The following SUPT3H variants were observed in gnomAD, a reference collection of about 807,000 sequenced individuals.
The protein encoded by SUPT3H is transcription initiation protein SPT3 homolog.
SUPT3H carries 44 observed loss-of-function variants against 44.3 expected under a neutral mutation model. The ratio of observed to expected loss-of-function variants is 0.99; its 90% confidence interval spans 0.78 to 1.28. The LOEUF (loss-of-function observed/expected upper bound fraction) is 1.28. SUPT3H is among the 50% of genes most tolerant of loss of function. SUPT3H has a pLI of 0.00. For missense variants in SUPT3H, 380 were observed against 387.1 expected, an observed-to-expected ratio of 0.98 and a Z score of 0.15; for synonymous variants, 124 against 125.6, an observed-to-expected ratio of 0.99 and a Z score of 0.09.
chr6:45,299,045 T>G (rs1781722674), intron 2 of SUPT3H, among the ~76,000 whole-genome samples: 1 of 152,144 alleles, frequency 6.6e-6, no homozygotes, highest in South Asian at 2.1e-4. Context: ...ATTAAAATGT[T>G]TTGTAGAATT....
intron 3 of SUPT3H, among the ~76,000 whole-genome samples, chr6:45,053,073 T>C (rs578047598): frequency 6.6e-6 from 1 of 152,234 alleles, no homozygotes; most frequent in South Asian, 2.1e-4. Flanking sequence ...CTTACTCTGA[T>C]GCCCAGGCTA....
intron 2 of SUPT3H, among the ~76,000 whole-genome samples, chr6:45,127,105 G>A (rs1194889033): frequency 6.6e-6 from 1 of 152,160 alleles, no homozygotes; most frequent in African/African-American, 2.4e-5. Context: ...CATGAGGTCA[G>A]GAGTTCGAGA....
intron 2 of SUPT3H, among the ~76,000 whole-genome samples, chr6:45,353,147 T>C (rs1792421413): frequency 6.6e-6 from 1 of 152,124 alleles, no homozygotes; most frequent in South Asian, 2.1e-4. Context: ...TGTAAAATGA[T>C]TTCATTAATC....
chr6:45,319,203 T>TTTATAATTAAATAGGTGTC (rs1178797573), intron 2 of SUPT3H, among the ~76,000 whole-genome samples: 2 of 152,126 alleles, frequency 1.3e-5, no homozygotes, highest in Non-Finnish European at 2.9e-5. Flanking sequence ...ATTTATGTGT[T>TTTATAATTAAATAGGTGTC]TTATAATTAA....
At chr6:44,850,669 T>A (rs1772711546) in intron 10 of SUPT3H, among the ~76,000 whole-genome samples, 1 of 152,168 alleles carries the variant, frequency 6.6e-6, no homozygotes, top group Admixed American at 6.5e-5. Flanking sequence ...TACTGAACTT[T>A]CTTTTTTCAA....
intron 2 of SUPT3H, among the ~76,000 whole-genome samples, chr6:45,222,994 A>G (rs1007432948): frequency 2.0e-5 from 3 of 152,166 alleles, no homozygotes; most frequent in Non-Finnish European, 4.4e-5. Flanking sequence ...TGTCAAAACA[A>G]TAGAAAGAAA....
chr6:45,089,287 A>C (rs987322684), intron 3 of SUPT3H, among the ~76,000 whole-genome samples: 2 of 152,020 alleles, frequency 1.3e-5, no homozygotes, highest in Non-Finnish European at 2.9e-5. Flanking sequence ...ATTAAATTTC[A>C]ATCTATATGT....
chr6:45,328,188 A>G lies in SUPT3H; in HGVS notation c.101+37013T>C, dbSNP rs373586465. 1.1e-4 allele frequency: 108 copies of G among 991,846 alleles called. No homozygotes were observed. The African/African-American group carries it at 1.5e-3, about 14-fold the overall frequency. 61.4% of individuals were successfully genotyped at this position (991,846 alleles called of 1,614,324 possible). ...GAGAGAGAGAGAAAGAGCAAGGGGG[A>G]AAAGCCACAGTGGTAGGCAGTCCCA... On this transcript the variant is annotated intron_variant, in intron 2 of 10. Coordinates refer to ENST00000371459, the MANE Select transcript of SUPT3H (RefSeq NM_003599.4).
At chr6:45,136,573 T>A (rs1485058297) in intron 2 of SUPT3H, among the ~76,000 whole-genome samples, 1 of 149,826 alleles carries the variant, frequency 6.7e-6, no homozygotes, top group Non-Finnish European at 1.5e-5. Flanking sequence ...ACAACAATAA[T>A]CCACTAAATG....
At chr6:45,359,125 T>C (rs1406848) in intron 2 of SUPT3H, among the ~76,000 whole-genome samples, 23,010 of 152,164 alleles carry the variant, frequency 0.15, 1,976 homozygotes, top group East Asian at 0.26. Context: ...CTAGTTATTA[T>C]CTTCTCATGA....
chr6:45,214,178 A>G (rs1209282983), intron 2 of SUPT3H, among the ~76,000 whole-genome samples: 1 of 152,110 alleles, frequency 6.6e-6, no homozygotes, highest in African/African-American at 2.4e-5. Context: ...GAAGGAAAAA[A>G]TCAGTTTTCT....
At chr6:44,915,142 C>T (rs1273426373) in intron 10 of SUPT3H, among the ~76,000 whole-genome samples, 1 of 152,076 alleles carries the variant, frequency 6.6e-6, no homozygotes, top group East Asian at 1.9e-4. Context: ...CAAAATTCTC[C>T]CAACTGAATG....
At chr6:44,901,992 C>T (rs893492551) in intron 10 of SUPT3H, among the ~76,000 whole-genome samples, 2 of 152,012 alleles carry the variant, frequency 1.3e-5, no homozygotes, top group African/African-American at 4.8e-5. Flanking sequence ...TTGTCACCAC[C>T]AGGCCTGCCC....
intron 2 of SUPT3H, among the ~76,000 whole-genome samples, chr6:45,292,273 G>C (rs925946948): frequency 4.6e-5 from 7 of 151,996 alleles, no homozygotes; most frequent in Non-Finnish European, 8.8e-5. Context: ...ACCACTACAC[G>C]AGCTGCTAAA....
chr6:45,005,853 G>C (rs1228576672), intron 5 of SUPT3H, among the ~76,000 whole-genome samples: 3 of 151,884 alleles, frequency 2.0e-5, no homozygotes, highest in African/African-American at 7.3e-5. Context: ...GGTTTACTTT[G>C]TGGCCAATTT....
At chr6:45,148,431 A>G (rs1404670385) in intron 2 of SUPT3H, among the ~76,000 whole-genome samples, 4 of 152,182 alleles carry the variant, frequency 2.6e-5, no homozygotes, top group African/African-American at 4.8e-5. Context: ...CTGATACATT[A>G]GGGAACAATT....
intron 10 of SUPT3H, among the ~76,000 whole-genome samples, chr6:44,845,890 C>A (rs1303324474): frequency 6.6e-6 from 1 of 152,214 alleles, no homozygotes. Flanking sequence ...TACACCAAGG[C>A]AAGAACCCTG....
chr6:45,141,402 G>T lies in SUPT3H; in HGVS notation c.102-35396C>A, dbSNP rs142601362. On this transcript the variant is annotated intron_variant, in intron 2 of 10. Coordinates refer to ENST00000371459, the MANE Select transcript of SUPT3H (RefSeq NM_003599.4). ...AAGGTTGATTATTAAGCTACTCAAG[G>T]AGACACCAAAGAAAGGTGAAAAGCA... Among the ~76,000 whole-genome samples the T allele has an allele frequency of 1.4e-4, 21 of 147,244 alleles. No individual in the cohort carries two copies. In the East Asian group the frequency reaches 1.8e-3, roughly 13 times the overall value.
At chr6:45,224,960 T>G (rs1194754563) in intron 2 of SUPT3H, among the ~76,000 whole-genome samples, 7 of 152,020 alleles carry the variant, frequency 4.6e-5, no homozygotes, top group Non-Finnish European at 8.8e-5. Flanking sequence ...AAAGGTCCCA[T>G]ACATTTAAGT....
Sources: gnomAD v4.1 joint callset for allele counts (sites outside exome capture counted in the v4.1 genomes callset) on GRCh38, gnomAD v4.1.1 for gene constraint, MANE v1.5 for transcripts, NCBI Gene and HGNC (gene_info 2026-07-23, HGNC 2026-07-21) for gene names.